POFUT3: variants seen among roughly 807,000 people sequenced by gnomAD.
POFUT3 encodes the protein GDP-fucose protein O-fucosyltransferase 3.
the POFUT3 span, among the ~76,000 whole-genome samples, chr8:33,425,327 C>T: frequency 1.3e-5 from 2 of 152,002 alleles, no homozygotes; most frequent in Non-Finnish European, 2.9e-5. Flanking sequence ...GAACAAAACC[C>T]TTTCTCTTAA....
the POFUT3 span, among the ~76,000 whole-genome samples, chr8:33,406,288 G>T: frequency 2.6e-5 from 4 of 151,938 alleles, no homozygotes; most frequent in South Asian, 8.3e-4. Flanking sequence ...TATATCTATG[G>T]TATGATTCAG....
the POFUT3 span, among the ~76,000 whole-genome samples, chr8:33,312,507 A>G: frequency 6.6e-6 from 1 of 152,062 alleles, no homozygotes; most frequent in Admixed American, 6.6e-5. Flanking sequence ...TGTTTCTAGC[A>G]TGCAACTATG....
chr8:33,426,619 G>C, the POFUT3 span, among the ~76,000 whole-genome samples: 1 of 152,224 alleles, frequency 6.6e-6, no homozygotes, highest in South Asian at 2.1e-4. Flanking sequence ...GATTCAATCC[G>C]ATCTAAGGCA....
At chr8:33,327,217 A>C in the POFUT3 span, among the ~76,000 whole-genome samples, 3 of 152,136 alleles carry the variant, frequency 2.0e-5, no homozygotes, top group Admixed American at 6.6e-5. Flanking sequence ...CTTCTTTGGG[A>C]TAGAATGTAT....
chr8:33,341,203 C>T, the POFUT3 span, among the ~76,000 whole-genome samples: 5 of 151,638 alleles, frequency 3.3e-5, no homozygotes, highest in African/African-American at 7.3e-5. Context: ...TGGGAGGCCA[C>T]GGTGGGCAGA....
chr8:33,351,236 A>C, the POFUT3 span, among the ~76,000 whole-genome samples: 1 of 152,204 alleles, frequency 6.6e-6, no homozygotes, highest in Non-Finnish European at 1.5e-5. Flanking sequence ...GGTTACAGGC[A>C]CGAGCCACTG....
chr8:33,419,480 T>C, the POFUT3 span, among the ~76,000 whole-genome samples: 1 of 152,210 alleles, frequency 6.6e-6, no homozygotes, highest in African/African-American at 2.4e-5. Context: ...GAGAATCTAA[T>C]GCTGCTGCTG....
the POFUT3 span, among the ~76,000 whole-genome samples, chr8:33,344,166 A>G: frequency 1.3e-5 from 2 of 152,216 alleles, no homozygotes; most frequent in African/African-American, 4.8e-5. Flanking sequence ...AGTTTCCCCT[A>G]TGCATGTTAA....
chr8:33,316,404 G>A, the POFUT3 span, among the ~76,000 whole-genome samples: 2,136 of 151,940 alleles, frequency 0.014, 67 homozygotes, highest in African/African-American at 0.049. Flanking sequence ...AAGGTCTAGT[G>A]GGTTTTGAAA....
chr8:33,343,888 T>C, the POFUT3 span, among the ~76,000 whole-genome samples: 1 of 152,206 alleles, frequency 6.6e-6, no homozygotes, highest in South Asian at 2.1e-4. Context: ...TCTCCTCTCA[T>C]ATGGCAGAAA....
the POFUT3 span, among the ~76,000 whole-genome samples, chr8:33,355,452 C>T: frequency 6.6e-6 from 1 of 152,050 alleles, no homozygotes; most frequent in South Asian, 2.1e-4. Flanking sequence ...CTGAAAACTC[C>T]CTCACAGACA....
At chr8:33,416,892 G>T in the POFUT3 span, among the ~76,000 whole-genome samples, 1 of 151,028 alleles carries the variant, frequency 6.6e-6, no homozygotes, top group South Asian at 2.1e-4. Context: ...AGAAGAGGAT[G>T]TTTGGCCTCA....
chr8:33,310,530 G>T, the POFUT3 span, among the ~76,000 whole-genome samples: 4 of 151,772 alleles, frequency 2.6e-5, no homozygotes, highest in African/African-American at 9.7e-5. Flanking sequence ...GGCCAACATG[G>T]CAAAACCCTG....
the POFUT3 span, among the ~76,000 whole-genome samples, chr8:33,383,773 T>C: frequency 7.2e-6 from 1 of 139,592 alleles, no homozygotes; most frequent in Non-Finnish European, 1.5e-5. Flanking sequence ...CACTCCAGCC[T>C]GGGTGACAGA....
chr8:33,414,522 T>G, the POFUT3 span, among the ~76,000 whole-genome samples: 1 of 152,144 alleles, frequency 6.6e-6, no homozygotes, highest in African/African-American at 2.4e-5. Context: ...AAAGACACAC[T>G]CATATCTTGG....
chr8:33,365,650 A>C, the POFUT3 span, among the ~76,000 whole-genome samples: 1 of 152,244 alleles, frequency 6.6e-6, no homozygotes, highest in Admixed American at 6.5e-5. Context: ...CAGACACATG[A>C]AAAAATGCTC....
chr8:33,352,901 C>T, the POFUT3 span, among the ~76,000 whole-genome samples: 2 of 152,210 alleles, frequency 1.3e-5, no homozygotes, highest in African/African-American at 4.8e-5. Flanking sequence ...TAATGACCAC[C>T]TCAGATTAAT....
At chr8:33,446,633 T>C in the POFUT3 span, among the ~76,000 whole-genome samples, 5 of 152,234 alleles carry the variant, frequency 3.3e-5, no homozygotes, top group East Asian at 5.8e-4. Flanking sequence ...CTAAGCTCAC[T>C]AAGCAACCTC....
chr8:33,421,229 T>C, the POFUT3 span, among the ~76,000 whole-genome samples: 4 of 152,320 alleles, frequency 2.6e-5, no homozygotes, highest in Admixed American at 1.3e-4. Flanking sequence ...GAGCTGACAT[T>C]TGAATTTTAA....
Sources: gnomAD v4.1 joint callset for allele counts (sites outside exome capture counted in the v4.1 genomes callset) on GRCh38, gnomAD v4.1.1 for gene constraint, MANE v1.5 for transcripts, NCBI Gene and HGNC (gene_info 2026-07-23, HGNC 2026-07-21) for gene names.